NET1: variants seen among roughly 807,000 people sequenced by gnomAD.
The protein encoded by NET1 is neuroepithelial cell transforming 1.
In NET1, 42 loss-of-function variants were observed where a neutral mutation model predicts 61.1. That is an observed-to-expected ratio of 0.69 (90% CI 0.54 to 0.89). NET1 has a LOEUF of 0.89. Among genes scored for constraint, NET1 ranks in the 40% least tolerant of loss-of-function variants. NET1 has a pLI of 0.00. For synonymous variants in NET1, 254 were observed against 281.8 expected (o/e 0.90, Z 0.99); for missense variants, 654 against 747.3 (o/e 0.88, Z 1.46).
At position 5,452,850 on chromosome 10, in the gene NET1, G is replaced by C; in HGVS notation, c.532-8G>C. On this transcript the variant is annotated splice_region_variant and splice_polypyrimidine_tract_variant and intron_variant, in intron 5 of 11. Coordinates refer to ENST00000355029, the MANE Select transcript of NET1 (RefSeq NM_001047160.3). This position sits in a 1 kb window ranked among gnomAD's most constrained non-coding sequence, Gnocchi z 4.0. ...GAATGACCTCTGATGTTTGCTGGAT[G>C]TTTTTAGGCAATATATGAAATGTCC... The C allele has an allele frequency of 6.2e-7, 1 of 1,610,376 alleles. No individual in the cohort carries two copies. Among genetic ancestry groups the C allele is most frequent in the Non-Finnish European group, 8.5e-7 (1 of 1,178,900 alleles).
intron 3 of NET1, among the ~76,000 whole-genome samples, chr10:5,436,248 A>ATATATTTTTT (rs1564462826): frequency 5.4e-5 from 1 of 18,428 alleles, no homozygotes; most frequent in Non-Finnish European, 9.3e-5. Context: ...ATATATATAT[A>ATATATTTTTT]TTTTTTTTTT....
intron 1 of NET1, among the ~76,000 whole-genome samples, chr10:5,419,024 T>C (rs982439820): frequency 1.3e-5 from 2 of 152,232 alleles, no homozygotes; most frequent in African/African-American, 4.8e-5. Flanking sequence ...GTATTATGTA[T>C]TATTTCTATC....
Position 5,456,984 on chromosome 10 carries a change from CTT to C in NET1, c.1783_1784del (p.Leu595GlyfsTer10). On this transcript the variant is annotated frameshift_variant, in exon 12 of 12. Transcript: ENST00000355029. LOFTEE classifies it high-confidence loss of function. The surrounding 1 kb of genome is among the most constrained non-coding windows in gnomAD (Gnocchi z 7.0). ...CTTTCTGGTGGCAAACGGAAAGAGA[CTT>C]TGGTGTAGAGAAGGCTCTGTGTGTT... 1 of 1,558,232 alleles carries C rather than the reference CTT, an allele frequency of 6.4e-7. No homozygotes were observed. Among genetic ancestry groups the C allele is most frequent in the East Asian group, 2.3e-5 (1 of 44,322 alleles).
At position 5,447,462 on chromosome 10, in the gene NET1, G is replaced by A. The variant is rs545049490; in HGVS notation, c.256-4368G>A. Among the ~76,000 whole-genome samples the A allele has an allele frequency of 4.6e-5, 7 of 152,088 alleles. No homozygotes were observed. Among genetic ancestry groups the A allele is most frequent in the African/African-American group, 9.6e-5 (4 of 41,476 alleles). On this transcript the variant is annotated intron_variant, in intron 3 of 11. Transcript: ENST00000355029. The surrounding 1 kb of genome is among the most constrained non-coding windows in gnomAD (Gnocchi z 4.1). ...ATCAAATTACTTTATGCCATTTTAT[G>A]TAATCTTGATTTAACATTGTGTGAT... is the stretch of plus-strand genomic sequence containing the variant.
rs998993320 is a variant in NET1, at chr10:5,420,264, T to C, written c.129-6391T>C. Among the ~76,000 whole-genome samples the C allele has an allele frequency of 2.6e-5, 4 of 152,224 alleles. No homozygotes were observed. The highest frequency in any genetic ancestry group is 5.9e-5 in the Non-Finnish European group (4 of 68,036). On this transcript the variant is annotated intron_variant, in intron 1 of 11. Coordinates refer to ENST00000355029, the MANE Select transcript of NET1 (RefSeq NM_001047160.3). The surrounding 1 kb of genome is among the most constrained non-coding windows in gnomAD (Gnocchi z 5.3). ...ATGGGCAAGTATACATGGATGTATG[T>C]ACAAGAAAGTATATCCTAGCACATT...
rs1450245820 is a variant in NET1 at position 5,441,820 on chromosome 10, A to C, written c.256-10010A>C. Among the ~76,000 whole-genome samples, 1 of 152,122 alleles carries C rather than the reference A, an allele frequency of 6.6e-6. No homozygotes were observed. The highest frequency in any genetic ancestry group is 1.9e-4 in the East Asian group (1 of 5,194). ...TCAAATGTAACTCTTTTTGTTTTTA[A>C]GTTATTACTAGATATTTTGGAACTA... On this transcript the variant is annotated intron_variant, in intron 3 of 11. Coordinates refer to ENST00000355029, the MANE Select transcript of NET1 (RefSeq NM_001047160.3). The surrounding 1 kb of genome is among the most constrained non-coding windows in gnomAD (Gnocchi z 4.6).
intron 3 of NET1, among the ~76,000 whole-genome samples, chr10:5,450,066 TCA>T (rs1832680428): frequency 6.9e-5 from 3 of 43,776 alleles, no homozygotes; most frequent in South Asian, 1.2e-3. Flanking sequence ...CACGCGTGTG[TCA>T]GTCAGTCAGC....
rs554235679 is a variant in NET1, at chr10:5,445,619, C to T, written c.256-6211C>T. Among the ~76,000 whole-genome samples, 35 of 152,196 alleles carry T rather than the reference C, an allele frequency of 2.3e-4. 1 individual carries two copies. The highest frequency in any genetic ancestry group is 6.0e-4 in the African/African-American group (25 of 41,538). On this transcript the variant is annotated intron_variant, in intron 3 of 11. Transcript: ENST00000355029. ...AATTTTACCATTCCAAATAGAATAA[C>T]GAATTTTGTGTTTAAAAGGAAATCT...
At chr10:5,436,186 T>TTG (rs139070024) in intron 3 of NET1, among the ~76,000 whole-genome samples, 12 of 21,288 alleles carry the variant, frequency 5.6e-4, no homozygotes, top group African/African-American at 1.9e-3. Flanking sequence ...TGTGTGTGTG[T>TTG]TGTGTGTGTG....
At chr10:5,433,526 C>G (rs1832380744) in intron 3 of NET1, among the ~76,000 whole-genome samples, 1 of 152,176 alleles carries the variant, frequency 6.6e-6, no homozygotes, top group Non-Finnish European at 1.5e-5. Context: ...CAAGTACTTG[C>G]ATGTTGCATG....
At position 5,454,608 on chromosome 10, in the gene NET1, C is replaced by A; in HGVS notation, c.1026+86C>A. On this transcript the variant is annotated intron_variant, in intron 9 of 11. Coordinates refer to ENST00000355029, the MANE Select transcript of NET1 (RefSeq NM_001047160.3). The surrounding 1 kb of genome is among the most constrained non-coding windows in gnomAD (Gnocchi z 8.1). ...ACGTTATCTTCTGAAGATGCTGATT[C>A]ACATCAGCATAGTGAATTGTTTTGT... 1 of 1,407,106 alleles carries A rather than the reference C, an allele frequency of 7.1e-7. No homozygotes were observed. Among genetic ancestry groups the A allele is most frequent in the Non-Finnish European group, 9.7e-7 (1 of 1,029,212 alleles). The allele number at this position is 1,407,106 out of a possible 1,614,324, so 87.2% of individuals were successfully genotyped here.
In NET1 at chr10:5,456,693, G is replaced by A. The variant is rs149676418; in HGVS notation, c.1490G>A (p.Arg497Gln). 142 of 1,613,722 alleles carry A rather than the reference G, an allele frequency of 8.8e-5. No homozygotes were observed. The highest frequency in any genetic ancestry group is 2.7e-4 in the Admixed American group (16 of 59,966). ...FHKQQWFNCIRAAIAPFQSAG... is the reference protein window; with the variant it reads ...FHKQQWFNCIQAAIAPFQSAG... The stretch of plus-strand genomic sequence containing the variant: ...AAGCAGCAGTGGTTCAACTGTATTC[G>A]AGCGGCCATTGCCCCCTTCCAGTCG... Residue 497 changes from arginine (R) to glutamine (Q), a missense_variant, in exon 12 of 12, where the codon CGA becomes CAA. Transcript: ENST00000355029. This position sits in a 1 kb window ranked among gnomAD's most constrained non-coding sequence, Gnocchi z 7.0.
rs777702059 is a variant in NET1, at chr10:5,456,686, T to C, written c.1483T>C (p.Cys495Arg). The C allele has an allele frequency of 2.5e-6, 4 of 1,613,956 alleles. No homozygotes were observed. The South Asian group carries it at 3.3e-5, about 13-fold the overall frequency. ...DVFHKQQWFN[C>R]IRAAIAPFQS... ...GTTCCACAAGCAGCAGTGGTTCAAC[T>C]GTATTCGAGCGGCCATTGCCCCCTT... is the stretch of plus-strand genomic sequence containing the variant. The change falls in exon 12 of 12, where the codon TGT (cysteine) becomes CGT (arginine). Residue 495 changes from cysteine (C) to arginine (R), a missense_variant. Physicochemically the swap from Cys to Arg is radical, Grantham distance 180. Coordinates refer to ENST00000355029, the MANE Select transcript of NET1 (RefSeq NM_001047160.3). The surrounding 1 kb of genome is among the most constrained non-coding windows in gnomAD (Gnocchi z 7.0).
In NET1 at chr10:5,426,301, A is replaced by G. The variant is rs1487514209; in HGVS notation, c.129-354A>G. On this transcript the variant is annotated intron_variant, in intron 1 of 11. Transcript: ENST00000355029. The surrounding 1 kb of genome is among the most constrained non-coding windows in gnomAD (Gnocchi z 4.6). ...GTTGCTAAATTTTTTGCACTTAGGA[A>G]GTTTGTTTGCTGTTTTTTATTTAAC... is the stretch of plus-strand genomic sequence containing the variant. Among the ~76,000 whole-genome samples, 1 of 152,132 alleles carries G rather than the reference A, an allele frequency of 6.6e-6. No individual in the cohort carries two copies. Among genetic ancestry groups the G allele is most frequent in the African/African-American group, 2.4e-5 (1 of 41,438 alleles).
rs1832841493 is a variant in NET1, at chr10:5,458,264, G to A, written c.*1270G>A. ...ATTACAAAATGTTTCTGTTAAAATGGGATCATCATCTTTGAAAGGGGGGAG... is the reference window on the plus strand; with the variant it reads ...ATTACAAAATGTTTCTGTTAAAATGAGATCATCATCTTTGAAAGGGGGGAG... On this transcript the variant is annotated 3_prime_UTR_variant, in exon 12 of 12. Transcript: ENST00000355029. The surrounding 1 kb of genome is among the most constrained non-coding windows in gnomAD (Gnocchi z 4.5). 6.6e-6 allele frequency: 1 copy of A among 152,244 alleles called. No individual in the cohort carries two copies. Among genetic ancestry groups the A allele is most frequent in the Non-Finnish European group, 1.5e-5 (1 of 68,020 alleles). 9.4% of individuals were successfully genotyped at this position (152,244 alleles called of 1,614,324 possible). A position where few individuals can be genotyped will look rare whatever the true frequency, so the allele number is the denominator to read the frequency against.
In NET1 at chr10:5,421,366, C is replaced by A. The variant is rs1395271124; in HGVS notation, c.129-5289C>A. ...AAGGATTTTATATTTTCCTTTTTTG[C>A]AGATTTGAAATAATGCTGTCCATTG... On this transcript the variant is annotated intron_variant, in intron 1 of 11. Transcript: ENST00000355029. The surrounding 1 kb of genome is among the most constrained non-coding windows in gnomAD (Gnocchi z 4.2). 6.6e-6 allele frequency among the ~76,000 whole-genome samples: 1 copy of A among 152,028 alleles called. No individual in the cohort carries two copies. Among genetic ancestry groups the A allele is most frequent in the South Asian group, 2.1e-4 (1 of 4,824 alleles).
rs1048322130 is a variant in NET1 at position 5,435,725 on chromosome 10, A to G, written c.255+6496A>G. On this transcript the variant is annotated intron_variant, in intron 3 of 11. Transcript: ENST00000355029. The surrounding 1 kb of genome is among the most constrained non-coding windows in gnomAD (Gnocchi z 5.0). ...TATGAAGAATTTAATTCTGATGTCA[A>G]TTGAATTTTCATGTTATGGATCATT... 5.9e-5 allele frequency among the ~76,000 whole-genome samples: 9 copies of G among 152,278 alleles called. No individual in the cohort carries two copies. Among genetic ancestry groups the G allele is most frequent in the East Asian group, 1.9e-4 (1 of 5,184 alleles).
intron 3 of NET1, among the ~76,000 whole-genome samples, chr10:5,450,405 T>C (rs566525143): frequency 2.0e-4 from 30 of 152,214 alleles, no homozygotes; most frequent in Non-Finnish European, 4.0e-4. Context: ...TAACTTTTCC[T>C]ATCAGTTTAT....
At position 5,451,781 on chromosome 10, in the gene NET1, A is replaced by G. The variant is rs1832709420; in HGVS notation, c.256-49A>G. 5 of 1,434,458 alleles carry G rather than the reference A, an allele frequency of 3.5e-6. No homozygotes were observed. The highest frequency in any genetic ancestry group is 9.7e-7 in the Non-Finnish European group (1 of 1,031,474). The allele number at this position is 1,434,458 out of a possible 1,614,324, so 88.9% of individuals were successfully genotyped here. Reference sequence around the variant, plus strand: ...TTTACTTTGTCCAAGTTTGTATGAAATCATTGCACCTAGACATATATTTAG... The same window carrying G: ...TTTACTTTGTCCAAGTTTGTATGAAGTCATTGCACCTAGACATATATTTAG... On this transcript the variant is annotated intron_variant, in intron 3 of 11. Coordinates refer to ENST00000355029, the MANE Select transcript of NET1 (RefSeq NM_001047160.3). The surrounding 1 kb of genome is among the most constrained non-coding windows in gnomAD (Gnocchi z 6.1).
Sources: allele counts gnomAD v4.1 joint callset (sites outside exome capture counted in the v4.1 genomes callset), GRCh38; gene constraint gnomAD v4.1.1; non-coding constraint Gnocchi (gnomAD v3.1); transcripts MANE v1.5; gene names NCBI Gene and HGNC (gene_info 2026-07-23, HGNC 2026-07-21).